Variants in RECK observed in about 807,000 individuals in gnomAD.
The protein encoded by RECK is reversion-inducing cysteine-rich protein with Kazal motifs.
A neutral mutation model predicts 115.1 loss-of-function variants in RECK; 69 were observed. The observed-to-expected ratio is 0.60, with a 90% CI of 0.49 to 0.73. The LOEUF is 0.73. RECK is among the 30% of genes least tolerant of loss of function. The pLI is 0.00. For missense variants in RECK, 1,047 were observed against 1,203.7 expected, an observed-to-expected ratio of 0.87 and a Z score of 1.93; for synonymous variants, 414 against 419.7, an observed-to-expected ratio of 0.99 and a Z score of 0.17.
chr9:36,113,629 G>A (rs1824148177), intron 16 of RECK, among the ~76,000 whole-genome samples: 1 of 152,130 alleles, frequency 6.6e-6, no homozygotes, highest in African/African-American at 2.4e-5. Context: ...GTATATACAA[G>A]ATTGAAAAAT....
chr9:36,081,523 A>G (rs1017301542), intron 7 of RECK, among the ~76,000 whole-genome samples: 13 of 152,276 alleles, frequency 8.5e-5, no homozygotes, highest in African/African-American at 3.1e-4. Flanking sequence ...GTTTACAGTG[A>G]TAAATGCAGC....
rs539893433 is a variant in RECK at position 36,121,615 on chromosome 9, T to C, written c.2621T>C (p.Phe874Ser). ...MHVSVPQCDV[F>S]GYFSIESEIV... ...GTGTCTGTCCCACAGTGTGATGTGT[T>C]TGGATACTTCAGCATTGAATCAGAA... The change falls in exon 20 of 21, where the codon TTT (phenylalanine) becomes TCT (serine). Residue 874 changes from phenylalanine to serine, a missense_variant. Transcript: ENST00000377966. 46 of 1,614,166 alleles carry C rather than the reference T, an allele frequency of 2.8e-5. 2 individuals are homozygous for C. In the South Asian group the frequency reaches 5.1e-4, roughly 18 times the overall value.
chr9:36,067,788 T>A (rs1822066713), intron 6 of RECK, among the ~76,000 whole-genome samples: 1 of 152,160 alleles, frequency 6.6e-6, no homozygotes, highest in Non-Finnish European at 1.5e-5. Context: ...AATTAAAATA[T>A]ATACTGCACA....
At chr9:36,038,531 A>C (rs1048299753) in intron 1 of RECK, among the ~76,000 whole-genome samples, 1 of 152,220 alleles carries the variant, frequency 6.6e-6, no homozygotes, top group African/African-American at 2.4e-5. Flanking sequence ...GTTCTGCAGG[A>C]GGTAGTACAG....
chr9:36,064,586 A>G (rs747165612), intron 5 of RECK, among the ~76,000 whole-genome samples: 18 of 152,206 alleles, frequency 1.2e-4, no homozygotes, highest in Non-Finnish European at 2.2e-4. Context: ...AGATAAGAGT[A>G]TATGAGATAT....
chr9:36,117,052 G>C lies in RECK; in HGVS notation c.2128G>C (p.Val710Leu). 3.7e-6 allele frequency: 6 copies of C among 1,614,122 alleles called. No homozygotes were observed. The highest frequency in any genetic ancestry group is 5.1e-6 in the Non-Finnish European group (6 of 1,179,994). Reference protein sequence around the residue: ...DKFGCSQYECVPRQLACDQVQ... With the variant: ...DKFGCSQYECLPRQLACDQVQ... ...ATTTGGATGTAGCCAGTATGAGTGT[G>C]TACCAAGACAGCTCGCGTGTGACCA... Residue 710 changes from valine to leucine, a missense_variant, in exon 17 of 21, where the codon GTA becomes CTA. Physicochemically the swap from Val to Leu is conservative, Grantham distance 32 (BLOSUM62 1). Coordinates refer to ENST00000377966, the MANE Select transcript of RECK (RefSeq NM_021111.3).
intron 6 of RECK, among the ~76,000 whole-genome samples, chr9:36,070,159 G>A (rs1822171747): frequency 6.6e-6 from 1 of 151,972 alleles, no homozygotes; most frequent in African/African-American, 2.4e-5. Flanking sequence ...ATAGAAAGTG[G>A]GTAAATTAGG....
At chr9:36,055,351 T>C (rs1564102852) in intron 2 of RECK, among the ~76,000 whole-genome samples, 1 of 152,172 alleles carries the variant, frequency 6.6e-6, no homozygotes, top group African/African-American at 2.4e-5. Flanking sequence ...TATGGGATCA[T>C]AATTTTAGAG....
At position 36,102,090 on chromosome 9, in the gene RECK, C is replaced by T; in HGVS notation, c.1299-4C>T. 6.3e-7 allele frequency: 1 copy of T among 1,597,424 alleles called. No individual in the cohort carries two copies. The highest frequency in any genetic ancestry group is 1.1e-5 in the South Asian group (1 of 88,090). ...TCTAAACTTACGTGCATTTTTTTTT[C>T]AAGATCAGATTGTGTGGAGATTCTT... On this transcript the variant is annotated splice_polypyrimidine_tract_variant and splice_region_variant and intron_variant, in intron 11 of 20. Coordinates refer to ENST00000377966, the MANE Select transcript of RECK (RefSeq NM_021111.3).
chr9:36,096,866 G>A (rs538122430), intron 10 of RECK, among the ~76,000 whole-genome samples: 1 of 152,202 alleles, frequency 6.6e-6, no homozygotes, highest in East Asian at 1.9e-4. Context: ...AAAACTTGAA[G>A]GGTCAAGTCA....
At chr9:36,097,089 C>A (rs376021752) in intron 10 of RECK, among the ~76,000 whole-genome samples, 1 of 151,964 alleles carries the variant, frequency 6.6e-6, no homozygotes, top group East Asian at 1.9e-4. Flanking sequence ...TTTGGGAGGC[C>A]GAGGCAGGTG....
chr9:36,042,616 T>C (rs1228344384), intron 1 of RECK, among the ~76,000 whole-genome samples: 1 of 152,226 alleles, frequency 6.6e-6, no homozygotes, highest in Non-Finnish European at 1.5e-5. Flanking sequence ...ATTTTTGCAG[T>C]TGCTAATTGT....
chr9:36,089,366 A>G (rs2132635524), intron 9 of RECK, among the ~76,000 whole-genome samples: 1 of 152,268 alleles, frequency 6.6e-6, no homozygotes, highest in East Asian at 1.9e-4. Context: ...GAAGGCTTGC[A>G]TTTTCATCAG....
intron 6 of RECK, among the ~76,000 whole-genome samples, chr9:36,078,092 AT>A (rs1822526297): frequency 2.6e-5 from 4 of 152,260 alleles, no homozygotes; most frequent in Non-Finnish European, 4.4e-5. Context: ...ATGTAACTGA[AT>A]GGGCATGTCT....
At chr9:36,082,103 G>A (rs1290462447) in intron 7 of RECK, among the ~76,000 whole-genome samples, 1 of 147,538 alleles carries the variant, frequency 6.8e-6, no homozygotes, top group East Asian at 2.0e-4. Context: ...ACCTGATTCT[G>A]GTTCCTCCAT....
chr9:36,067,588 A>G (rs1056768848), intron 6 of RECK, among the ~76,000 whole-genome samples: 1 of 152,190 alleles, frequency 6.6e-6, no homozygotes, highest in African/African-American at 2.4e-5. Context: ...TTTAATATAA[A>G]GCATTGTTAC....
chr9:36,047,198 A>G (rs1414576694), intron 1 of RECK, among the ~76,000 whole-genome samples: 1 of 152,240 alleles, frequency 6.6e-6, no homozygotes, highest in South Asian at 2.1e-4. Context: ...AGAGCACATC[A>G]GTGTCACTCA....
Position 36,100,322 on chromosome 9 carries a change from TC to T in RECK, c.1086-8del. ...CCTCTTGATTCTTTCTGGCCTTTTTTCTCTTTAGGCCAACAGAACTTTTCAG... is the reference window on the plus strand; with the variant it reads ...CCTCTTGATTCTTTCTGGCCTTTTTTTCTTTAGGCCAACAGAACTTTTCAG... On this transcript the variant is annotated splice_polypyrimidine_tract_variant and splice_region_variant and intron_variant, in intron 10 of 20. Transcript: ENST00000377966. 6.2e-7 allele frequency: 1 copy of T among 1,609,844 alleles called. No homozygotes were observed. Among genetic ancestry groups the T allele is most frequent in the Non-Finnish European group, 8.5e-7 (1 of 1,177,126 alleles).
Position 36,083,386 on chromosome 9 carries a change from A to G in RECK, c.461A>G (p.Tyr154Cys). The change falls in exon 8 of 21, where the codon TAT (tyrosine) becomes TGT (cysteine). Residue 154 changes from tyrosine to cysteine, a missense_variant. By Grantham distance (194) the Tyr-to-Cys change is radical. Coordinates refer to ENST00000377966, the MANE Select transcript of RECK (RefSeq NM_021111.3). ...ATAGTGGGCTCGGTTTGTTGCAGTT[A>G]TGCAGGTCATCACACAAACTGCCGA... The part of the protein sequence containing the change: ...RNEMGSVCCS[Y>C]AGHHTNCREY... 2 of 1,613,984 alleles carry G rather than the reference A, an allele frequency of 1.2e-6. No homozygotes were observed. Among genetic ancestry groups the G allele is most frequent in the Non-Finnish European group, 1.7e-6 (2 of 1,179,926 alleles).
Sources: allele counts gnomAD v4.1 joint callset (sites outside exome capture counted in the v4.1 genomes callset), GRCh38; gene constraint gnomAD v4.1.1; transcripts MANE v1.5; gene names NCBI Gene and HGNC (gene_info 2026-07-23, HGNC 2026-07-21).